Variants in MSI2 observed in about 807,000 individuals in gnomAD.
MSI2 encodes the protein musashi RNA binding protein 2.
In MSI2, 17 loss-of-function variants were observed where a neutral mutation model predicts 45.6. That is an observed-to-expected ratio of 0.37 (90% CI 0.26 to 0.56). The LOEUF (loss-of-function observed/expected upper bound fraction) is 0.56. MSI2 is among the 20% of genes least tolerant of loss of function. MSI2 has a pLI of 0.77. For synonymous variants in MSI2, 156 were observed against 158.2 expected (o/e 0.99, Z 0.11); for missense variants, 293 against 444.2 (o/e 0.66, Z 3.06).
At chr17:57,321,499 C>T (rs1837175711) in intron 5 of MSI2, among the ~76,000 whole-genome samples, 1 of 152,154 alleles carries the variant, frequency 6.6e-6, no homozygotes, top group African/African-American at 2.4e-5. Context: ...GCCTCGGCTT[C>T]TCTGGAAACA....
At position 57,648,132 on chromosome 17, in the gene MSI2, CGTGTGTGTGT is replaced by C. The variant is rs765039915; in HGVS notation, c.728-3926_728-3917del. On this transcript the variant is annotated intron_variant, in intron 10 of 13. Transcript: ENST00000284073. ...CATGCACCACCATGCCTGGCTAATT[CGTGTGTGTGT>C]GTGTGTGTGTGTGTGTGTGTGTGTG... is the stretch of plus-strand genomic sequence containing the variant. Among the ~76,000 whole-genome samples, 871 of 116,246 alleles carry C rather than the reference CGTGTGTGTGT, an allele frequency of 7.5e-3. 8 individuals are homozygous for C. The highest frequency in any genetic ancestry group is 0.019 in the African/African-American group (569 of 30,114). The allele number at this position is 116,246 out of a possible 152,430, so 76.3% of individuals were successfully genotyped here. A position where few individuals can be genotyped will look rare whatever the true frequency, so the allele number is the denominator to read the frequency against.
chr17:57,573,917 A>T (rs1350144284), intron 7 of MSI2, among the ~76,000 whole-genome samples: 5 of 152,222 alleles, frequency 3.3e-5, no homozygotes, highest in Admixed American at 3.3e-4. Context: ...AGATATCATC[A>T]TATGAAGGGG....
intron 11 of MSI2, among the ~76,000 whole-genome samples, chr17:57,656,964 G>A (rs1321623142): frequency 6.6e-6 from 1 of 152,184 alleles, no homozygotes; most frequent in Admixed American, 6.5e-5. Context: ...AGTGAGTAGT[G>A]CCTGCCTCCT....
chr17:57,312,746 G>A (rs1912502961), intron 5 of MSI2, among the ~76,000 whole-genome samples: 1 of 152,158 alleles, frequency 6.6e-6, no homozygotes, highest in Admixed American at 6.5e-5. Context: ...GTATGTGTAT[G>A]AATTAATGGG....
chr17:57,487,022 G>A (rs2085767806), intron 6 of MSI2, among the ~76,000 whole-genome samples: 1 of 152,180 alleles, frequency 6.6e-6, no homozygotes, highest in South Asian at 2.1e-4. Context: ...AGTAGGGAGG[G>A]GAAAAGCTGC....
chr17:57,450,448 G>T (rs907506801), intron 6 of MSI2, among the ~76,000 whole-genome samples: 2 of 140,502 alleles, frequency 1.4e-5, no homozygotes, highest in Admixed American at 1.4e-4. Flanking sequence ...AGGCCACAGC[G>T]GGCTGATCAC....
chr17:57,688,344 T>C (rs1297828635), downstream of MSI2, among the ~76,000 whole-genome samples: 3 of 152,066 alleles, frequency 2.0e-5, no homozygotes, highest in East Asian at 1.9e-4. Flanking sequence ...AAGATAAATA[T>C]ACAAAAACCA....
chr17:57,699,241 G>A, the MSI2 span, among the ~76,000 whole-genome samples: 2 of 135,892 alleles, frequency 1.5e-5, no homozygotes, highest in African/African-American at 5.9e-5. Flanking sequence ...TTCTGATTGG[G>A]CCACTCTCAA....
At chr17:57,377,754 G>A (rs114468468) in intron 5 of MSI2, among the ~76,000 whole-genome samples, 2,690 of 152,130 alleles carry the variant, frequency 0.018, 82 homozygotes, top group African/African-American at 0.06. Flanking sequence ...GATAGAACCT[G>A]TCTTCCACTC....
At chr17:57,455,512 T>C (rs1330121062) in intron 6 of MSI2, among the ~76,000 whole-genome samples, 2 of 152,186 alleles carry the variant, frequency 1.3e-5, no homozygotes, top group Non-Finnish European at 2.9e-5. Flanking sequence ...CTAGGACCGT[T>C]ATGAATTAAA....
At chr17:57,392,081 G>A (rs2083804193) in intron 5 of MSI2, among the ~76,000 whole-genome samples, 1 of 152,212 alleles carries the variant, frequency 6.6e-6, no homozygotes, top group South Asian at 2.1e-4. Context: ...TCGGAATGAC[G>A]GCTAGCCAGC....
chr17:57,558,316 G>A (rs2087488103), intron 7 of MSI2, among the ~76,000 whole-genome samples: 1 of 152,154 alleles, frequency 6.6e-6, no homozygotes, highest in Admixed American at 6.5e-5. Context: ...TAAAAAGGCA[G>A]TTAACGATCT....
intron 6 of MSI2, among the ~76,000 whole-genome samples, chr17:57,477,929 TCTG>T (rs2085572851): frequency 6.6e-6 from 1 of 152,200 alleles, no homozygotes; most frequent in Non-Finnish European, 1.5e-5. Flanking sequence ...ACCAGCCCCT[TCTG>T]CACCTCCAGG....
At chr17:57,366,177 T>C (rs377131064) in intron 5 of MSI2, among the ~76,000 whole-genome samples, 1 of 152,188 alleles carries the variant, frequency 6.6e-6, no homozygotes. Flanking sequence ...CCTCCCAAAG[T>C]GCTGGGATTA....
intron 5 of MSI2, among the ~76,000 whole-genome samples, chr17:57,283,916 G>A (rs185312021): frequency 6.6e-6 from 1 of 152,338 alleles, no homozygotes; most frequent in African/African-American, 2.4e-5. Flanking sequence ...GCAGGTCCAT[G>A]TTTCTATCCC....
intron 7 of MSI2, among the ~76,000 whole-genome samples, chr17:57,586,541 A>T (rs2088353232): frequency 6.6e-6 from 1 of 152,188 alleles, no homozygotes; most frequent in Admixed American, 6.5e-5. Flanking sequence ...GCCTGTTTGA[A>T]ATTCTAAAGT....
At chr17:57,496,415 A>G (rs1446998273) in intron 6 of MSI2, among the ~76,000 whole-genome samples, 1 of 151,986 alleles carries the variant, frequency 6.6e-6, no homozygotes. Flanking sequence ...GCCCTGTCGA[A>G]CCTTCCAGGA....
intron 8 of MSI2, chr17:57,608,144 ACCAGGGCTTC>A (rs939876219): frequency 1.3e-5 from 2 of 152,494 alleles, no homozygotes; most frequent in Non-Finnish European, 2.9e-5. Context: ...AGATTGAAGG[ACCAGGGCTTC>A]CCAGCACAGC....
At chr17:57,386,461 C>T (rs1339256741) in intron 5 of MSI2, among the ~76,000 whole-genome samples, 1 of 152,114 alleles carries the variant, frequency 6.6e-6, no homozygotes, top group Admixed American at 6.5e-5. Flanking sequence ...AACATTCATC[C>T]AGCATTTGTC....
Sources: allele counts gnomAD v4.1 joint callset (sites outside exome capture counted in the v4.1 genomes callset), GRCh38; gene constraint gnomAD v4.1.1; transcripts MANE v1.5; gene names NCBI Gene and HGNC (gene_info 2026-07-23, HGNC 2026-07-21).